Variants in ZNF891 observed in about 807,000 individuals in gnomAD.
The protein encoded by ZNF891 is zinc finger protein 891.
For synonymous variants in ZNF891, 199 were observed against 209.0 expected, an observed-to-expected ratio of 0.95 and a Z score of 0.41; for missense variants, 589 against 632.7, an observed-to-expected ratio of 0.93 and a Z score of 0.74.
chr12:133,107,781 G>T lies in ZNF891; in HGVS notation c.*12503C>A, dbSNP rs983879597. Reference sequence around the variant, plus strand: ...ATTACCACCTGCCCAGCTGACAAAGGTCACACCATCAGGGTTAGTTTGCCT... The same window carrying T: ...ATTACCACCTGCCCAGCTGACAAAGTTCACACCATCAGGGTTAGTTTGCCT... On this transcript the variant is annotated 3_prime_UTR_variant, in exon 2 of 2. Coordinates refer to ENST00000537226, the MANE Select transcript of ZNF891 (RefSeq NM_001277291.2). 5.9e-5 allele frequency: 9 copies of T among 152,180 alleles called. No homozygotes were observed. The highest frequency in any genetic ancestry group is 1.0e-4 in the Non-Finnish European group (7 of 68,030). The allele number at this position is 152,180 out of a possible 1,614,324, so 9.4% of individuals were successfully genotyped here. A position where few individuals can be genotyped will look rare whatever the true frequency, so the allele number is the denominator to read the frequency against.
rs558219187 is a variant in ZNF891, at chr12:133,121,941, C to T, written c.-23G>A. The T allele has an allele frequency of 6.6e-7, 1 of 1,512,396 alleles. No individual in the cohort carries two copies. The highest frequency in any genetic ancestry group is 1.4e-5 in the African/African-American group (1 of 72,680). The allele number at this position is 1,512,396 out of a possible 1,614,324, so 93.7% of individuals were successfully genotyped here. Reference sequence around the variant, plus strand: ...CATTTTATGAGTACATAAGCCTGCACAGTAGAGTAGAGAGATCAGGATGTT... The same window carrying T: ...CATTTTATGAGTACATAAGCCTGCATAGTAGAGTAGAGAGATCAGGATGTT... On this transcript the variant is annotated 5_prime_UTR_variant, in exon 2 of 2. It adds an upstream start codon to the 5' untranslated region. Coordinates refer to ENST00000537226, the MANE Select transcript of ZNF891 (RefSeq NM_001277291.2).
chr12:133,127,856 C>T (rs922359087), intron 1 of ZNF891, among the ~76,000 whole-genome samples: 1 of 151,890 alleles, frequency 6.6e-6, no homozygotes, highest in African/African-American at 2.4e-5. Flanking sequence ...GAAAATGGAA[C>T]CAAAAGACAT....
At chr12:133,122,274 G>GCATTGTCTGC in intron 1 of ZNF891, 2 of 992,548 alleles carry the variant, frequency 2.0e-6, no homozygotes, top group African/African-American at 3.5e-5. Flanking sequence ...AATGGGGCAT[G>GCATTGTCTGC]AGTTATTTTT....
In ZNF891 at chr12:133,123,580, C is replaced by T. The variant is rs890083626; in HGVS notation, c.-106-1556G>A. On this transcript the variant is annotated intron_variant, in intron 1 of 1. Transcript: ENST00000537226. ...AATATTAGCCAACCATGGTGGCATG[C>T]GCCTGAAGCCCCAGCTACTCAGGAG... Among the ~76,000 whole-genome samples, 8 of 151,936 alleles carry T rather than the reference C, an allele frequency of 5.3e-5. No individual in the cohort carries two copies. The South Asian group carries it at 8.3e-4, about 16-fold the overall frequency.
Position 133,120,511 on chromosome 12 carries a change from T to C in ZNF891, c.1408A>G (p.Ser470Gly). The C allele has an allele frequency of 1.3e-6, 2 of 1,584,372 alleles. No individual in the cohort carries two copies. The highest frequency in any genetic ancestry group is 8.6e-7 in the Non-Finnish European group (1 of 1,166,004). The change falls in exon 2 of 2, where the codon AGT (serine) becomes GGT (glycine). Residue 470 changes from serine (S) to glycine (G), a missense_variant. Ser to Gly is a moderately conservative substitution (Grantham distance 56). Coordinates refer to ENST00000537226, the MANE Select transcript of ZNF891 (RefSeq NM_001277291.2). ...TGCATTCTAAGGGATGAGACCCCAC[T>C]GAAAACTTTCCCACAGTCACTGCAT... ...YECSDCGKVF[S>G]GVSSLRMHIR...
intron 1 of ZNF891, chr12:133,125,593 G>T (rs549592172): frequency 9.5e-5 from 21 of 221,714 alleles, no homozygotes; most frequent in Non-Finnish European, 1.8e-4. Flanking sequence ...CAAAAAAAAA[G>T]AAGATCCGCA....
rs1365237663 is a variant in ZNF891, at chr12:133,113,134, AT to A, written c.*7149del. On this transcript the variant is annotated 3_prime_UTR_variant, in exon 2 of 2. Coordinates refer to ENST00000537226, the MANE Select transcript of ZNF891 (RefSeq NM_001277291.2). Reference sequence around the variant, plus strand: ...AAAATATAAAAAAATATATTTTTCAATTTTTTTAATCTGGTATTTAAAAAAA... The same window carrying A: ...AAAATATAAAAAAATATATTTTTCAATTTTTTAATCTGGTATTTAAAAAAA... 8.1e-5 allele frequency: 12 copies of A among 148,832 alleles called. No homozygotes were observed. Among genetic ancestry groups the A allele is most frequent in the African/African-American group, 2.7e-4 (11 of 41,102 alleles). The allele number at this position is 148,832 out of a possible 1,614,324, so 9.2% of individuals were successfully genotyped here.
intron 1 of ZNF891, among the ~76,000 whole-genome samples, chr12:133,129,321 G>A (rs1202449672): frequency 6.6e-6 from 1 of 151,936 alleles, no homozygotes; most frequent in African/African-American, 2.4e-5. Context: ...GACCAACATG[G>A]AGAAACCCCA....
In ZNF891 at chr12:133,105,803, C is replaced by T. The variant is rs1955570425; in HGVS notation, c.*14481G>A. ...AAAAACTTTTGGTCGACGCTTTTCC[C>T]TGGTGTTACACCAGAGGACTCATAC... On this transcript the variant is annotated 3_prime_UTR_variant, in exon 2 of 2. Coordinates refer to ENST00000537226, the MANE Select transcript of ZNF891 (RefSeq NM_001277291.2). The T allele has an allele frequency of 6.2e-7, 1 of 1,614,066 alleles. No homozygotes were observed. The highest frequency in any genetic ancestry group is 2.2e-5 in the East Asian group (1 of 44,894).
In ZNF891 at chr12:133,111,963, G is replaced by A. The variant is rs1021945516; in HGVS notation, c.*8321C>T. Reference sequence around the variant, plus strand: ...TCTCAAGATTTTTTTATACAAAAATGTGATCTTTTTAAAACAAATAATTTC... The same window carrying A: ...TCTCAAGATTTTTTTATACAAAAATATGATCTTTTTAAAACAAATAATTTC... On this transcript the variant is annotated 3_prime_UTR_variant, in exon 2 of 2. Coordinates refer to ENST00000537226, the MANE Select transcript of ZNF891 (RefSeq NM_001277291.2). 2.0e-5 allele frequency: 3 copies of A among 152,108 alleles called. No homozygotes were observed. The highest frequency in any genetic ancestry group is 4.4e-5 in the Non-Finnish European group (3 of 67,984). The allele number at this position is 152,108 out of a possible 1,614,324, so 9.4% of individuals were successfully genotyped here.
Position 133,120,288 on chromosome 12 carries a change from AG to A in ZNF891, c.1630del (p.Leu544CysfsTer32). On this transcript the variant is annotated frameshift_variant, in exon 2 of 2. Coordinates refer to ENST00000537226, the MANE Select transcript of ZNF891 (RefSeq NM_001277291.2). LOFTEE classifies it high-confidence loss of function. ...GCAATTCCACATTCATAACACTTAC[AG>A]GGTTTCTCTCTCAGTATGAATTCTC... ...HKRIHTERET[L>X] 6.5e-7 allele frequency: 1 copy of A among 1,530,052 alleles called. No homozygotes were observed. Among genetic ancestry groups the A allele is most frequent in the Non-Finnish European group, 8.8e-7 (1 of 1,140,652 alleles). The allele number at this position is 1,530,052 out of a possible 1,614,324, so 94.8% of individuals were successfully genotyped here. A position where few individuals can be genotyped will look rare whatever the true frequency, so the allele number is the denominator to read the frequency against.
rs1451981051 is a variant in ZNF891 at position 133,113,407 on chromosome 12, A to AT, written c.*6876dup. The AT allele has an allele frequency of 6.6e-6, 1 of 152,162 alleles. No homozygotes were observed. Among genetic ancestry groups the AT allele is most frequent in the Non-Finnish European group, 1.5e-5 (1 of 68,022 alleles). 9.4% of individuals were successfully genotyped at this position (152,162 alleles called of 1,614,324 possible). On this transcript the variant is annotated 3_prime_UTR_variant, in exon 2 of 2. Coordinates refer to ENST00000537226, the MANE Select transcript of ZNF891 (RefSeq NM_001277291.2). ...TTCCATATTTTCAATGCACACACACATATTTATAACATGCATTAAAAAGTC... is the reference window on the plus strand; with the variant it reads ...TTCCATATTTTCAATGCACACACACATTATTTATAACATGCATTAAAAAGTC...
Position 133,106,892 on chromosome 12 carries a change from T to C in ZNF891, c.*13392A>G, listed in dbSNP as rs546551392. On this transcript the variant is annotated 3_prime_UTR_variant, in exon 2 of 2. Transcript: ENST00000537226. ...GGTGAAATCAATATTGTTGAGAAGATTCTTCCATCTGGTAATGTTGAGAAG... is the reference window on the plus strand; with the variant it reads ...GGTGAAATCAATATTGTTGAGAAGACTCTTCCATCTGGTAATGTTGAGAAG... 3.6e-5 allele frequency: 12 copies of C among 335,226 alleles called. No homozygotes were observed. Among genetic ancestry groups the C allele is most frequent in the Non-Finnish European group, 6.5e-5 (12 of 184,068 alleles). The allele number at this position is 335,226 out of a possible 1,614,324, so 20.8% of individuals were successfully genotyped here. A position where few individuals can be genotyped will look rare whatever the true frequency, so the allele number is the denominator to read the frequency against.
In ZNF891 at chr12:133,106,302, C is replaced by T. The variant is rs1257749535; in HGVS notation, c.*13982G>A. 1 of 1,614,204 alleles carries T rather than the reference C, an allele frequency of 6.2e-7. No individual in the cohort carries two copies. ...TGTAGGAAAGCTTTCCGTTGTCACT[C>T]ATTCCTTATTAAACATCAGAGAATT... On this transcript the variant is annotated 3_prime_UTR_variant, in exon 2 of 2. Transcript: ENST00000537226.
intron 1 of ZNF891, chr12:133,125,912 T>A (rs1955810828): frequency 2.0e-6 from 1 of 491,864 alleles, no homozygotes; most frequent in African/African-American, 2.0e-5. Flanking sequence ...GGCTCCTGGT[T>A]CCCATGCTCT....
intron 1 of ZNF891, among the ~76,000 whole-genome samples, chr12:133,126,230 G>C (rs1267048805): frequency 1.3e-5 from 2 of 152,058 alleles, no homozygotes; most frequent in African/African-American, 4.8e-5. Context: ...GCTCATGCCT[G>C]AAATCCCAGT....
intron 1 of ZNF891, among the ~76,000 whole-genome samples, chr12:133,128,360 G>T (rs1301608321): frequency 6.6e-6 from 1 of 152,170 alleles, no homozygotes; most frequent in Non-Finnish European, 1.5e-5. Flanking sequence ...GGCCAGGCAC[G>T]GTGGCTCACG....
At position 133,115,605 on chromosome 12, in the gene ZNF891, A is replaced by C. The variant is rs578112755; in HGVS notation, c.*4679T>G. The C allele has an allele frequency of 1.3e-5, 2 of 152,274 alleles. No homozygotes were observed. Among genetic ancestry groups the C allele is most frequent in the East Asian group, 3.9e-4 (2 of 5,188 alleles). The allele number at this position is 152,274 out of a possible 1,614,324, so 9.4% of individuals were successfully genotyped here. The stretch of plus-strand genomic sequence containing the variant: ...TGTATTAGTTTTATTATTAAAAACC[A>C]CAAAGTTTTTGTTTTGTTTTGTTTT... On this transcript the variant is annotated 3_prime_UTR_variant, in exon 2 of 2. Coordinates refer to ENST00000537226, the MANE Select transcript of ZNF891 (RefSeq NM_001277291.2).
chr12:133,112,977 T>A lies in ZNF891; in HGVS notation c.*7307A>T, dbSNP rs1955694129. ...GGGAGGCTGAGGCAGGAGAATGGCA[T>A]GAACCCAGGAGGTGGAGCTTGCGGT... On this transcript the variant is annotated 3_prime_UTR_variant, in exon 2 of 2. Transcript: ENST00000537226. The A allele has an allele frequency of 6.6e-6, 1 of 151,780 alleles. No individual in the cohort carries two copies. The highest frequency in any genetic ancestry group is 1.9e-4 in the East Asian group (1 of 5,166). 9.4% of individuals were successfully genotyped at this position (151,780 alleles called of 1,614,324 possible). A position where few individuals can be genotyped will look rare whatever the true frequency, so the allele number is the denominator to read the frequency against.
Sources: gnomAD v4.1 joint callset for allele counts (sites outside exome capture counted in the v4.1 genomes callset) on GRCh38, gnomAD v4.1.1 for gene constraint, MANE v1.5 for transcripts, NCBI Gene and HGNC (gene_info 2026-07-23, HGNC 2026-07-21) for gene names.